The following PLEC variants were observed in gnomAD, a reference collection of about 807,000 sequenced individuals.
The protein encoded by PLEC is hemidesmosomal protein 1.
PLEC carries 216 observed loss-of-function variants against 392.8 expected under a neutral mutation model. The observed-to-expected ratio is 0.55, with a 90% CI of 0.49 to 0.62. PLEC has a LOEUF of 0.62. Ranked by LOEUF, PLEC falls within the 20% of genes least tolerant of loss-of-function variation. PLEC has a pLI of 0.00. For missense variants in PLEC, 6,863 were observed against 6,563.4 expected (o/e 1.05, Z -1.58); for synonymous variants, 3,621 against 2,980.6 (o/e 1.21, Z -7.00).
At chr8:143,934,119 G>T (rs374727215) in intron 11 of PLEC, 28 bp from the exon 12 acceptor site, 31 of 1,605,884 alleles carry the variant, frequency 1.9e-5, no homozygotes, top group Non-Finnish European at 2.5e-5. Context: ...GGAAGGGGCC[G>T]CGTTGGCCGG....
intron 1 of PLEC, among the ~76,000 whole-genome samples, chr8:143,960,650 T>C (rs1832830837): frequency 6.6e-6 from 1 of 152,082 alleles, no homozygotes; most frequent in Non-Finnish European, 1.5e-5. Flanking sequence ...ACAGTTTACA[T>C]TCTTCCCTTC....
rs782698613 is a variant in PLEC at position 143,918,022 on chromosome 8, G to A, written c.11799C>T (p.Ser3933=). The A allele has an allele frequency of 1.2e-6, 2 of 1,611,112 alleles. No individual in the cohort carries two copies. Among genetic ancestry groups the A allele is most frequent in the Admixed American group, 1.7e-5 (1 of 59,868 alleles). Residue 3933 remains serine, a synonymous_variant, in exon 32 of 32, where the codon AGC becomes AGT. Transcript: ENST00000345136. ...CGTCCACGAAGACACCAGCGATGCAGCTGGTGCCTTCCAGGAACTTCTGCA... is the reference window on the plus strand; with the variant it reads ...CGTCCACGAAGACACCAGCGATGCAACTGGTGCCTTCCAGGAACTTCTGCA... ...KNLQKFLEGT[S]CIAGVFVDAT...
chr8:143,970,726 C>T (rs1833383222), intron 1 of PLEC, among the ~76,000 whole-genome samples: 2 of 152,192 alleles, frequency 1.3e-5, no homozygotes, highest in South Asian at 2.1e-4. Flanking sequence ...ATTGCCACAA[C>T]TCTCTCCTAG....
upstream of PLEC, among the ~76,000 whole-genome samples, chr8:143,953,034 C>T (rs1206574672): frequency 1.4e-5 from 2 of 144,374 alleles, no homozygotes; most frequent in East Asian, 2.3e-4. Flanking sequence ...AGCACACACC[C>T]CCCCCGAAGC....
At chr8:143,935,744 G>T in intron 6 of PLEC, 104 bp downstream of exon 6, 2 of 1,305,866 alleles carry the variant, frequency 1.5e-6, no homozygotes, top group Non-Finnish European at 2.2e-6. Context: ...ACTCATCCCT[G>T]TTCCTCCTGC....
intron 1 of PLEC, among the ~76,000 whole-genome samples, chr8:143,963,425 C>T (rs577527184): frequency 6.6e-6 from 1 of 152,344 alleles, no homozygotes; most frequent in Admixed American, 6.5e-5. Flanking sequence ...ACGGAATTTG[C>T]CCTGCTGGAT....
chr8:143,960,724 A>C (rs911446136), intron 1 of PLEC, among the ~76,000 whole-genome samples: 13 of 152,242 alleles, frequency 8.5e-5, no homozygotes, highest in African/African-American at 3.1e-4. Flanking sequence ...AAACACTGAG[A>C]GTAGACAGAG....
rs544874132 is a variant in PLEC, at chr8:143,922,004, C to T, written c.7817G>A (p.Arg2606Gln). Residue 2606 changes from arginine to glutamine, a missense_variant, in exon 32 of 32, where the codon CGG becomes CAG. By Grantham distance (43) the Arg-to-Gln change is conservative. Coordinates refer to ENST00000345136, the MANE Select transcript of PLEC (RefSeq NM_201384.3). ...EQLQLLEEQH[R>Q]AALAHSEEVT... is the part of the protein sequence containing the mutation. ...CTCCTCTGAGTGCGCCAGCGCGGCC[C>T]GGTGCTGCTCCTCCAGGAGCTGCAG... 83 of 1,598,150 alleles carry T rather than the reference C, an allele frequency of 5.2e-5. No homozygotes were observed. The highest frequency in any genetic ancestry group is 1.1e-4 in the East Asian group (5 of 44,876).
At chr8:143,952,929 C>T (rs986727447), upstream of PLEC, among the ~76,000 whole-genome samples, 2 of 151,884 alleles carry the variant, frequency 1.3e-5, no homozygotes, top group East Asian at 1.9e-4. Context: ...GGGAGGAGCC[C>T]GGAGCAGAAT....
In PLEC at chr8:143,923,526, C is replaced by T. The variant is rs1554692832; in HGVS notation, c.6403G>A (p.Ala2135Thr). The T allele has an allele frequency of 6.3e-7, 1 of 1,599,856 alleles. No homozygotes were observed. The highest frequency in any genetic ancestry group is 2.2e-5 in the East Asian group (1 of 44,764). ...TCGGCCTCCTTGCGCAGCTTCTCTG[C>T]AGCCGCCTGTGCCTGAGCCCGGGCC... is the stretch of plus-strand genomic sequence containing the variant. ...AQARAQAQAAAEKLRKEAEQE... is the reference protein window; with the variant it reads ...AQARAQAQAATEKLRKEAEQE... Residue 2135 changes from alanine to threonine, a missense_variant, in exon 31 of 32, where the codon GCA becomes ACA. Ala to Thr is a moderately conservative substitution (Grantham distance 58, BLOSUM62 0). Transcript: ENST00000345136.
chr8:143,934,226 C>T, intron 11 of PLEC, 92 bp downstream of exon 11: 1 of 1,600,748 alleles, frequency 6.2e-7, no homozygotes, highest in Non-Finnish European at 8.5e-7. Context: ...GCTTGGGTTC[C>T]CCCGCCGGGG....
In PLEC at chr8:143,919,194, G is replaced by C. The variant is rs1821645075; in HGVS notation, c.10627C>G (p.Leu3543Val). 3 of 1,613,676 alleles carry C rather than the reference G, an allele frequency of 1.9e-6. No individual in the cohort carries two copies. In the South Asian group the frequency reaches 3.3e-5, roughly 18 times the overall value. ...DPETGLRLLP[L>V]KGAEKAEVVE... ...ACCTCAGCCTTCTCCGCCCCTTTCA[G>C]TGGCAGAAGGCGCAAGCCCGTCTCG... Residue 3543 changes from leucine to valine, a missense_variant, in exon 32 of 32, where the codon CTG becomes GTG. By Grantham distance (32) the Leu-to-Val change is conservative. Transcript: ENST00000345136.
rs115492306 is a variant in PLEC, at chr8:143,933,157, G to A, written c.1418+40C>T. 14,339 of 1,607,728 alleles carry A rather than the reference G, an allele frequency of 8.9e-3. 1,084 individuals carry two copies. In the African/African-American group the frequency reaches 0.16, roughly 18 times the overall value. On this transcript the variant is annotated intron_variant, in intron 13 of 31. Transcript: ENST00000345136. Reference sequence around the variant, plus strand: ...GGTAGGTGTTGGCGGGCCTGGGGCCGTGTGTACCTGGGCTTCAGGGAGGGC... The same window carrying A: ...GGTAGGTGTTGGCGGGCCTGGGGCCATGTGTACCTGGGCTTCAGGGAGGGC...
upstream of PLEC, chr8:143,943,794 CCCA>C (rs782717402): frequency 1.9e-6 from 3 of 1,611,728 alleles, no homozygotes; most frequent in Admixed American, 3.3e-5. Context: ...TCGTCCTGCG[CCCA>C]CCGACGTCCC....
chr8:143,953,734 G>C, upstream of PLEC: 1 of 1,611,934 alleles, frequency 6.2e-7, no homozygotes, highest in East Asian at 2.2e-5. Context: ...ACCTTTGAGG[G>C]AGCTGATCTC....
Position 143,917,985 on chromosome 8 carries a change from G to A in PLEC, c.11836C>T (p.Arg3946Trp), listed in dbSNP as rs782773454. The A allele has an allele frequency of 1.2e-4, 200 of 1,612,418 alleles. No individual in the cohort carries two copies. The highest frequency in any genetic ancestry group is 1.6e-4 in the Middle Eastern group (1 of 6,084). The change falls in exon 32 of 32, where the codon CGG becomes TGG. Residue 3946 changes from arginine (R) to tryptophan (W), a missense_variant. Coordinates refer to ENST00000345136, the MANE Select transcript of PLEC (RefSeq NM_201384.3). ...AGVFVDATKE[R>W]LSVYQAMKKG... ...TTCATGGCCTGGTACACCGAGAGCC[G>A]TTCCTTGGTGGCGTCCACGAAGACA... is the stretch of plus-strand genomic sequence containing the variant.
At chr8:143,958,658 G>A (rs1832722258), upstream of PLEC, 1 of 454,244 alleles carries the variant, frequency 2.2e-6, no homozygotes, top group Non-Finnish European at 4.4e-6. This position sits in a 1 kb window ranked among gnomAD's most constrained non-coding sequence, Gnocchi z 4.9. Context: ...CCACAGCCCT[G>A]CCGCTGCCCT....
chr8:143,916,350 T>A lies in PLEC; in HGVS notation c.13471A>T (p.Thr4491Ser). The A allele has an allele frequency of 6.2e-7, 1 of 1,605,300 alleles. No homozygotes were observed. The highest frequency in any genetic ancestry group is 8.5e-7 in the Non-Finnish European group (1 of 1,176,516). The change falls in exon 32 of 32, where the codon ACC becomes TCC. Residue 4491 changes from threonine to serine, a missense_variant. Transcript: ENST00000345136. ...GCCCGGGAGCCGGTGCGCGAGCCGG[T>A]GCGGGAGCCAGCGGTAGAGCCGGAG... ...SGSGSTAGSRTGSRTGSRAGS... is the reference protein window; with the variant it reads ...SGSGSTAGSRSGSRTGSRAGS...
In PLEC at chr8:143,925,191, T is replaced by C. The variant is rs1474410381; in HGVS notation, c.4738A>G (p.Ser1580Gly). The C allele has an allele frequency of 6.3e-7, 1 of 1,582,502 alleles. No individual in the cohort carries two copies. Among genetic ancestry groups the C allele is most frequent in the Non-Finnish European group, 8.5e-7 (1 of 1,172,918 alleles). Reference sequence around the variant, plus strand: ...TTCTCGGCGAAGGAGGCGCGTTTGCTCTGCAGCTCCGCCTCTGCACTGCGC... The same window carrying C: ...TTCTCGGCGAAGGAGGCGCGTTTGCCCTGCAGCTCCGCCTCTGCACTGCGC... Reference protein sequence around the residue: ...AQRSAEAELQSKRASFAEKTA... With the variant: ...AQRSAEAELQGKRASFAEKTA... Residue 1580 changes from serine (S) to glycine (G), a missense_variant, in exon 31 of 32, where the codon AGC becomes GGC. By Grantham distance (56) the Ser-to-Gly change is moderately conservative. Transcript: ENST00000345136.
Sources: gnomAD v4.1 joint callset for allele counts (sites outside exome capture counted in the v4.1 genomes callset) on GRCh38, gnomAD v4.1.1 for gene constraint, Gnocchi (gnomAD v3.1) non-coding constraint, MANE v1.5 for transcripts, NCBI Gene and HGNC (gene_info 2026-07-23, HGNC 2026-07-21) for gene names.